The following OPRM1 variants were observed in gnomAD, a reference collection of about 807,000 sequenced individuals.
OPRM1 encodes mu-type opioid receptor.
OPRM1 carries 27 observed loss-of-function variants against 31.8 expected under a neutral mutation model. The observed-to-expected ratio is 0.85, with a 90% CI of 0.63 to 1.17. OPRM1 has a LOEUF of 1.17. Ranked by LOEUF, OPRM1 falls within the 50% of genes most tolerant of loss-of-function variation. OPRM1 has a pLI of 0.00. For synonymous variants in OPRM1, 196 were observed against 189.9 expected, an observed-to-expected ratio of 1.03 and a Z score of -0.26; for missense variants, 536 against 511.1, an observed-to-expected ratio of 1.05 and a Z score of -0.47.
chr6:154,044,834 G>A (rs148880647), intron 1 of OPRM1, among the ~76,000 whole-genome samples: 104 of 152,236 alleles, frequency 6.8e-4, no homozygotes, highest in African/African-American at 2.2e-3. Flanking sequence ...CTAGGATTCC[G>A]TTTAAGGCAG....
intron 3 of OPRM1, among the ~76,000 whole-genome samples, chr6:154,109,775 T>C (rs1310696114): frequency 2.2e-5 from 2 of 91,184 alleles, no homozygotes; most frequent in Admixed American, 2.6e-4. Flanking sequence ...TCCCTCTCTC[T>C]CTCTCTCTCT....
Position 154,039,270 on chromosome 6 carries a change from T to G in OPRM1, c.-275T>G. 2 of 1,551,668 alleles carry G rather than the reference T, an allele frequency of 1.3e-6. No homozygotes were observed. The highest frequency in any genetic ancestry group is 1.7e-6 in the Non-Finnish European group (2 of 1,146,938). ...TCCCTTCCAGCCTCCGAATCCCGCA[T>G]GGCCCACGCTCCCCTCCTGCAGCGG... On this transcript the variant is annotated 5_prime_UTR_variant, in exon 1 of 4. The change abolishes an upstream ATG in the 5' untranslated region. Coordinates refer to ENST00000330432, the MANE Select transcript of OPRM1 (RefSeq NM_000914.5).
At chr6:154,213,155 C>G (rs1778104436) in intron 3 of OPRM1, 2 of 328,072 alleles carry the variant, frequency 6.1e-6, no homozygotes, top group Admixed American at 4.2e-5. Flanking sequence ...ACCAAGAGAA[C>G]ACAAAATCAG....
chr6:154,091,759 A>T (rs1792298557), intron 3 of OPRM1: 1 of 1,120,982 alleles, frequency 8.9e-7, no homozygotes, highest in Admixed American at 4.5e-5. Flanking sequence ...TTATGACTTT[A>T]GCACATTATA....
At chr6:154,136,642 A>G (rs1349849836), downstream of OPRM1, among the ~76,000 whole-genome samples, 2 of 151,982 alleles carry the variant, frequency 1.3e-5, no homozygotes, top group African/African-American at 4.8e-5. Flanking sequence ...CAGCATCCCC[A>G]CAGACAGTGC....
intron 1 of OPRM1, among the ~76,000 whole-genome samples, chr6:154,056,883 G>A (rs1038006931): frequency 2.0e-5 from 3 of 152,140 alleles, no homozygotes; most frequent in African/African-American, 7.2e-5. Flanking sequence ...GCCCCCATAA[G>A]CTCTGGAAAG....
intron 3 of OPRM1, among the ~76,000 whole-genome samples, chr6:154,189,133 A>C (rs1227159532): frequency 3.3e-5 from 5 of 152,184 alleles, no homozygotes; most frequent in Non-Finnish European, 5.9e-5. Context: ...AAAACAAAAA[A>C]ACACCTATAA....
intron 3 of OPRM1, among the ~76,000 whole-genome samples, chr6:154,139,586 G>T (rs1254710511): frequency 6.6e-6 from 1 of 152,092 alleles, no homozygotes; most frequent in Non-Finnish European, 1.5e-5. Flanking sequence ...CTCAGAAAAA[G>T]CCCCCTGACC....
intron 3 of OPRM1, among the ~76,000 whole-genome samples, chr6:154,177,340 A>C (rs1800421630): frequency 6.6e-6 from 1 of 152,252 alleles, no homozygotes; most frequent in Non-Finnish European, 1.5e-5. Context: ...CTATCATCAA[A>C]GTGAACAGGC....
intron 1 of OPRM1, among the ~76,000 whole-genome samples, chr6:154,052,517 T>C (rs1782416969): frequency 6.6e-6 from 1 of 152,224 alleles, no homozygotes; most frequent in Non-Finnish European, 1.5e-5. Flanking sequence ...TGAATTTCCA[T>C]ATAATTTTCA....
intron 3 of OPRM1, chr6:154,158,672 A>G (rs1437663911): frequency 1.3e-5 from 2 of 152,196 alleles, no homozygotes; most frequent in Non-Finnish European, 2.9e-5. Context: ...GTGCAACATC[A>G]TAACACCAGT....
intron 1 of OPRM1, among the ~76,000 whole-genome samples, chr6:154,059,962 C>T (rs886203580): frequency 1.3e-5 from 2 of 152,032 alleles, no homozygotes; most frequent in African/African-American, 2.4e-5. Flanking sequence ...TTTCTACATT[C>T]GAGTTGAGAA....
chr6:154,031,804 A>G (rs1779025355), intron 1 of OPRM1, among the ~76,000 whole-genome samples: 1 of 152,148 alleles, frequency 6.6e-6, no homozygotes, highest in African/African-American at 2.4e-5. Flanking sequence ...GAGGAAAAAA[A>G]ATGAGCAAAA....
chr6:154,096,929 TA>T (rs1793496960), intron 3 of OPRM1, among the ~76,000 whole-genome samples: 1 of 152,222 alleles, frequency 6.6e-6, no homozygotes, highest in Non-Finnish European at 1.5e-5. Flanking sequence ...ATCTGCCTTT[TA>T]AATAAAACAA....
At chr6:154,051,480 A>T (rs1329279572) in intron 1 of OPRM1, among the ~76,000 whole-genome samples, 1 of 152,240 alleles carries the variant, frequency 6.6e-6, no homozygotes, top group South Asian at 2.1e-4. Context: ...AGTTAGATGC[A>T]TATAAGACCC....
chr6:154,086,933 C>T (rs1489376644), intron 1 of OPRM1: 4 of 983,946 alleles, frequency 4.1e-6, no homozygotes, highest in Non-Finnish European at 4.8e-6. Context: ...GTCAATTATT[C>T]TAAATCTTAA....
intron 3 of OPRM1, among the ~76,000 whole-genome samples, chr6:154,210,411 A>G (rs1777871082): frequency 6.6e-6 from 1 of 152,218 alleles, no homozygotes; most frequent in African/African-American, 2.4e-5. Flanking sequence ...TAGGAGAGAG[A>G]CACAGAAGCA....
chr6:154,067,873 A>G (rs1785786496), intron 1 of OPRM1, among the ~76,000 whole-genome samples: 1 of 152,142 alleles, frequency 6.6e-6, no homozygotes, highest in African/African-American at 2.4e-5. Flanking sequence ...TTATTGACAT[A>G]TAATGCCTTT....
chr6:154,161,544 C>T (rs905508060), intron 3 of OPRM1, among the ~76,000 whole-genome samples: 1 of 152,094 alleles, frequency 6.6e-6, no homozygotes, highest in African/African-American at 2.4e-5. Context: ...TAAATCTATA[C>T]TTGAGGCATC....
Sources: gnomAD v4.1 joint callset for allele counts (sites outside exome capture counted in the v4.1 genomes callset) on GRCh38, gnomAD v4.1.1 for gene constraint, MANE v1.5 for transcripts, NCBI Gene and HGNC (gene_info 2026-07-23, HGNC 2026-07-21) for gene names.